XKR9: variants seen among roughly 807,000 people sequenced by gnomAD.
The protein encoded by XKR9 is XK related 9.
A neutral mutation model predicts 32.0 loss-of-function variants in XKR9; 32 were observed. The observed-to-expected ratio is 1.00, with a 90% CI of 0.76 to 1.34. XKR9 has a LOEUF of 1.34. XKR9 is among the 40% of genes most tolerant of loss of function. The pLI, the probability that XKR9 is intolerant of heterozygous loss-of-function variation, is 0.00. For synonymous variants in XKR9, 168 were observed against 143.4 expected (o/e 1.17, Z -1.22); for missense variants, 546 against 429.7 (o/e 1.27, Z -2.39).
intron 3 of XKR9, among the ~76,000 whole-genome samples, chr8:70,684,948 G>C (rs1027054457): frequency 6.8e-6 from 1 of 146,468 alleles, no homozygotes; most frequent in African/African-American, 2.5e-5. Flanking sequence ...GATTCCTCAG[G>C]GATCTAGAAC....
At chr8:70,835,510 G>A in the XKR9 span, among the ~76,000 whole-genome samples, 5 of 151,992 alleles carry the variant, frequency 3.3e-5, no homozygotes, top group African/African-American at 1.2e-4. Flanking sequence ...TTGAATGAAC[G>A]AATGAATAAC....
the XKR9 span, among the ~76,000 whole-genome samples, chr8:70,927,308 G>A: frequency 4.6e-5 from 7 of 152,048 alleles, no homozygotes; most frequent in Non-Finnish European, 1.0e-4. Flanking sequence ...TTCCTGGGTG[G>A]GGATCGTCTT....
At chr8:71,065,688 T>A in the XKR9 span, among the ~76,000 whole-genome samples, 3 of 152,254 alleles carry the variant, frequency 2.0e-5, no homozygotes, top group African/African-American at 7.2e-5. Flanking sequence ...GGTATTGAGC[T>A]TCTAATCTTG....
the XKR9 span, among the ~76,000 whole-genome samples, chr8:70,976,104 C>T: frequency 6.6e-6 from 1 of 152,174 alleles, no homozygotes; most frequent in Non-Finnish European, 1.5e-5. Flanking sequence ...TATCCTGAGA[C>T]TTTGCTGAAG....
chr8:70,808,850 G>A, the XKR9 span, among the ~76,000 whole-genome samples: 2 of 152,220 alleles, frequency 1.3e-5, no homozygotes, highest in African/African-American at 4.8e-5. Flanking sequence ...GCCTGCCTCT[G>A]TAGACTCCAC....
At chr8:70,982,479 G>A in the XKR9 span, among the ~76,000 whole-genome samples, 1 of 152,096 alleles carries the variant, frequency 6.6e-6, no homozygotes. Flanking sequence ...AAAGCCAGCA[G>A]TCATAAGCCT....
chr8:70,875,886 G>T, the XKR9 span, among the ~76,000 whole-genome samples: 3 of 152,130 alleles, frequency 2.0e-5, no homozygotes, highest in African/African-American at 7.2e-5. Flanking sequence ...CTCTTATGGG[G>T]TTGATAGAAA....
the XKR9 span, among the ~76,000 whole-genome samples, chr8:70,811,747 G>A: frequency 6.6e-6 from 1 of 152,186 alleles, no homozygotes; most frequent in African/African-American, 2.4e-5. Flanking sequence ...CCAGGAAGAA[G>A]TTGAATCTCA....
At chr8:70,709,010 G>A (rs1805817705) in intron 4 of XKR9, among the ~76,000 whole-genome samples, 1 of 151,918 alleles carries the variant, frequency 6.6e-6, no homozygotes, top group Non-Finnish European at 1.5e-5. Context: ...AAAACTCCAG[G>A]CCAATATCTT....
At chr8:70,759,338 A>G (rs181261016) in intron 2 of XKR9, among the ~76,000 whole-genome samples, 29 of 152,278 alleles carry the variant, frequency 1.9e-4, no homozygotes, top group African/African-American at 6.7e-4. Flanking sequence ...AATAATAGCT[A>G]TTTTAGAAAG....
At chr8:70,672,417 A>AT (rs970131822) in intron 1 of XKR9, among the ~76,000 whole-genome samples, 1 of 152,020 alleles carries the variant, frequency 6.6e-6, no homozygotes, top group Admixed American at 6.6e-5. Flanking sequence ...ATATGATCTC[A>AT]TTTTTTTATG....
At chr8:70,962,840 C>G in the XKR9 span, among the ~76,000 whole-genome samples, 7 of 152,156 alleles carry the variant, frequency 4.6e-5, no homozygotes, top group African/African-American at 1.4e-4. Context: ...CTAATTAGGA[C>G]TCTGGGATTT....
chr8:70,711,665 T>C (rs1019842396), intron 4 of XKR9, among the ~76,000 whole-genome samples: 6 of 143,594 alleles, frequency 4.2e-5, no homozygotes, highest in African/African-American at 1.5e-4. Context: ...CAAAAAACTA[T>C]GTATTGGGTA....
intron 3 of XKR9, among the ~76,000 whole-genome samples, chr8:70,699,565 T>C (rs1283129846): frequency 6.6e-6 from 1 of 152,232 alleles, no homozygotes; most frequent in Non-Finnish European, 1.5e-5. Flanking sequence ...GTTAGTCTGA[T>C]GGGCTTCCCT....
the XKR9 span, among the ~76,000 whole-genome samples, chr8:71,016,529 G>T: frequency 9.9e-5 from 15 of 152,206 alleles, no homozygotes; most frequent in Non-Finnish European, 1.9e-4. Flanking sequence ...TTTCTTACTC[G>T]CTCATGTTCT....
chr8:70,882,498 A>G, the XKR9 span, among the ~76,000 whole-genome samples: 1 of 151,788 alleles, frequency 6.6e-6, no homozygotes, highest in East Asian at 1.9e-4. Flanking sequence ...AAAATTGTTT[A>G]TTTTTAATTT....
chr8:70,818,188 GTTTA>G, the XKR9 span, among the ~76,000 whole-genome samples: 6 of 135,558 alleles, frequency 4.4e-5, no homozygotes, highest in East Asian at 7.8e-4. Flanking sequence ...TTGTTTTTTT[GTTTA>G]TTTATTTTTT....
chr8:70,743,874 C>T (rs964511883), intron 2 of XKR9, among the ~76,000 whole-genome samples: 1 of 151,936 alleles, frequency 6.6e-6, no homozygotes, highest in Non-Finnish European at 1.5e-5. Flanking sequence ...TTCCAGATGT[C>T]GACCTCTCTC....
rs755544842 is a variant in XKR9 at position 70,733,762 on chromosome 8, A to G, written c.494-34A>G. ...GTAATCTAATATTTCTATTATTCCT[A>G]TAACAATATATTTTTTATTTTTTTG... On this transcript the variant is annotated intron_variant, in intron 4 of 4. Coordinates refer to ENST00000408926, the MANE Select transcript of XKR9 (RefSeq NM_001011720.2). 14 of 1,459,392 alleles carry G rather than the reference A, an allele frequency of 9.6e-6. No individual in the cohort carries two copies. In the East Asian group the frequency reaches 3.2e-4, roughly 33 times the overall value. The allele number at this position is 1,459,392 out of a possible 1,614,324, so 90.4% of individuals were successfully genotyped here. A position where few individuals can be genotyped will look rare whatever the true frequency, so the allele number is the denominator to read the frequency against.
Sources: allele counts gnomAD v4.1 joint callset (sites outside exome capture counted in the v4.1 genomes callset), GRCh38; gene constraint gnomAD v4.1.1; transcripts MANE v1.5; gene names NCBI Gene and HGNC (gene_info 2026-07-23, HGNC 2026-07-21).